Variants in PDE4D observed in about 807,000 individuals in gnomAD.
PDE4D encodes the protein 3',5'-cyclic-AMP phosphodiesterase 4D.
In PDE4D, 24 loss-of-function variants were observed where a neutral mutation model predicts 87.4. The ratio of observed to expected loss-of-function variants is 0.27; its 90% confidence interval spans 0.20 to 0.39. The LOEUF (loss-of-function observed/expected upper bound fraction) is 0.39. Ranked by LOEUF, PDE4D falls within the 10% of genes least tolerant of loss-of-function variation. The probability of loss-of-function intolerance (pLI) is 1.00; values close to 1 mark genes in which losing one functional copy is unlikely to be tolerated. For synonymous variants in PDE4D, 384 were observed against 383.2 expected, an observed-to-expected ratio of 1.00 and a Z score of -0.02; for missense variants, 714 against 1,041.0, an observed-to-expected ratio of 0.69 and a Z score of 4.32.
At chr5:59,214,032 TCACACACACACACACACA>T (rs199738839) in intron 2 of PDE4D, among the ~76,000 whole-genome samples, 16 of 132,774 alleles carry the variant, frequency 1.2e-4, no homozygotes, top group South Asian at 5.1e-4. Context: ...CATACATACT[TCACACACACACACACACA>T]CACACACACA....
chr5:60,041,867 C>T (rs970185178), intron 2 of PDE4D, among the ~76,000 whole-genome samples: 1 of 151,828 alleles, frequency 6.6e-6, no homozygotes, highest in African/African-American at 2.4e-5. Flanking sequence ...AAGCACACAA[C>T]TGGGTGGCTG....
chr5:59,186,308 T>G (rs1400727133), intron 3 of PDE4D, among the ~76,000 whole-genome samples: 1 of 152,190 alleles, frequency 6.6e-6, no homozygotes, highest in African/African-American at 2.4e-5. Context: ...ACTGGGATAG[T>G]GATACCTACC....
chr5:59,911,447 C>T (rs1753428164), intron 3 of PDE4D, among the ~76,000 whole-genome samples: 1 of 152,124 alleles, frequency 6.6e-6, no homozygotes, highest in Non-Finnish European at 1.5e-5. Flanking sequence ...AACCAATCAG[C>T]ACTCCCTGGC....
At chr5:59,530,148 T>C (rs1486232743) in intron 1 of PDE4D, among the ~76,000 whole-genome samples, 1 of 152,332 alleles carries the variant, frequency 6.6e-6, no homozygotes, top group Middle Eastern at 3.4e-3. Context: ...CATTGCAGAA[T>C]GTTTATTACT....
intron 1 of PDE4D, chr5:59,275,607 A>G: frequency 7.4e-7 from 1 of 1,353,710 alleles, no homozygotes. Context: ...CTTCCTTCAT[A>G]CTGAATTTAC....
intron 1 of PDE4D, among the ~76,000 whole-genome samples, chr5:60,380,543 C>G (rs1168038119): frequency 6.6e-6 from 1 of 152,078 alleles, no homozygotes; most frequent in Non-Finnish European, 1.5e-5. Context: ...AGTCGGGGTC[C>G]CAGAATGATT....
chr5:60,251,204 G>T (rs991966144), intron 1 of PDE4D, among the ~76,000 whole-genome samples: 1 of 151,920 alleles, frequency 6.6e-6, no homozygotes, highest in Non-Finnish European at 1.5e-5. Context: ...TTTTATTGAA[G>T]AAAGAAATTT....
At chr5:59,665,797 A>G (rs1415478649) in intron 1 of PDE4D, among the ~76,000 whole-genome samples, 1 of 152,172 alleles carries the variant, frequency 6.6e-6, no homozygotes, top group Non-Finnish European at 1.5e-5. Context: ...CTTCCAAGTT[A>G]TAGCTCCCTT....
At chr5:60,094,588 C>CT (rs3087200) in intron 2 of PDE4D, among the ~76,000 whole-genome samples, 13,604 of 58,200 alleles carry the variant, frequency 0.23, 3,178 homozygotes, top group East Asian at 0.59. Context: ...GAGTGACATG[C>CT]TTTTTTTTTT....
At chr5:59,574,095 A>T (rs1011451305) in intron 1 of PDE4D, among the ~76,000 whole-genome samples, 31 of 1,470 alleles carry the variant, frequency 0.021, no homozygotes, top group Admixed American at 0.058. Flanking sequence ...TATATATATA[A>T]ATATATATTT....
intron 1 of PDE4D, among the ~76,000 whole-genome samples, chr5:60,481,961 T>G (rs1034315768): frequency 6.6e-6 from 1 of 152,056 alleles, no homozygotes; most frequent in Non-Finnish European, 1.5e-5. Flanking sequence ...ATAGACATAC[T>G]GAAGAACAGT....
intron 1 of PDE4D, among the ~76,000 whole-genome samples, chr5:59,217,530 A>G (rs899483643): frequency 7.9e-5 from 12 of 152,170 alleles, no homozygotes; most frequent in Non-Finnish European, 1.0e-4. Flanking sequence ...AGCTGTAAAT[A>G]TGTTTTTCCA....
chr5:59,794,432 GCACGA>G (rs1206186669), intron 1 of PDE4D, among the ~76,000 whole-genome samples: 2 of 152,032 alleles, frequency 1.3e-5, no homozygotes, highest in Non-Finnish European at 2.9e-5. Flanking sequence ...GCACAGTGAG[GCACGA>G]CATCCCTGGT....
At chr5:59,539,474 G>C (rs1815904209) in intron 1 of PDE4D, among the ~76,000 whole-genome samples, 1 of 152,096 alleles carries the variant, frequency 6.6e-6, no homozygotes, top group South Asian at 2.1e-4. Flanking sequence ...CATTACTTAA[G>C]AAGAGAGTTA....
chr5:59,239,239 A>T (rs1757138864), intron 1 of PDE4D, among the ~76,000 whole-genome samples: 1 of 152,228 alleles, frequency 6.6e-6, no homozygotes, highest in South Asian at 2.1e-4. Context: ...TCAGGTAGAA[A>T]GTGTGTTCTT....
At chr5:59,475,283 C>T (rs1477861528) in intron 1 of PDE4D, among the ~76,000 whole-genome samples, 2 of 152,034 alleles carry the variant, frequency 1.3e-5, no homozygotes, top group South Asian at 2.1e-4. Context: ...TACCTAGGTA[C>T]ACCTTTCAGA....
At chr5:59,706,004 AATT>A (rs1753345398) in intron 1 of PDE4D, among the ~76,000 whole-genome samples, 1 of 152,174 alleles carries the variant, frequency 6.6e-6, no homozygotes. Context: ...CTGGAGATTA[AATT>A]AGGTTTAATA....
Position 59,629,958 on chromosome 5 carries a change from G to T in PDE4D, c.455+263210C>A, listed in dbSNP as rs879383963. ...GACTTATCTAAATACACTCACATCT[G>T]ATTCAATGACAATGAAACAATTAAT... On this transcript the variant is annotated intron_variant, in intron 1 of 14. Transcript: ENST00000340635. 1.4e-4 allele frequency among the ~76,000 whole-genome samples: 22 copies of T among 152,102 alleles called. 1 individual carries two copies. Among genetic ancestry groups the T allele is most frequent in the Admixed American group, 7.9e-4 (12 of 15,264 alleles).
At chr5:59,684,709 C>A (rs1749574745) in intron 1 of PDE4D, among the ~76,000 whole-genome samples, 1 of 152,226 alleles carries the variant, frequency 6.6e-6, no homozygotes, top group African/African-American at 2.4e-5. Flanking sequence ...CTGAAATTCA[C>A]TGCAACATTT....
Sources: gnomAD v4.1 joint callset for allele counts (sites outside exome capture counted in the v4.1 genomes callset) on GRCh38, gnomAD v4.1.1 for gene constraint, MANE v1.5 for transcripts, NCBI Gene and HGNC (gene_info 2026-07-23, HGNC 2026-07-21) for gene names.